The following FAM193A variants were observed in gnomAD, a reference collection of about 807,000 sequenced individuals.
FAM193A encodes the protein protein FAM193A.
FAM193A carries 22 observed loss-of-function variants against 126.5 expected under a neutral mutation model. The ratio of observed to expected loss-of-function variants is 0.17; its 90% confidence interval spans 0.12 to 0.25. FAM193A has a LOEUF of 0.25. Among genes scored for constraint, FAM193A ranks in the 10% least tolerant of loss-of-function variants. The pLI, the probability that FAM193A is intolerant of heterozygous loss-of-function variation, is 1.00. For missense variants in FAM193A, 1,675 were observed against 1,672.8 expected, an observed-to-expected ratio of 1.00 and a Z score of -0.02; for synonymous variants, 761 against 646.8, an observed-to-expected ratio of 1.18 and a Z score of -2.68.
chr4:2,661,176 CCA>C (rs1484108362), intron 10 of FAM193A, among the ~76,000 whole-genome samples: 2 of 152,144 alleles, frequency 1.3e-5, no homozygotes, highest in African/African-American at 4.8e-5. Context: ...CTGCCCATCA[CCA>C]GTTACGGGGA....
intron 7 of FAM193A, among the ~76,000 whole-genome samples, chr4:2,650,728 C>T (rs1745577359): frequency 6.6e-6 from 1 of 152,166 alleles, no homozygotes; most frequent in African/African-American, 2.4e-5. Flanking sequence ...AGTTGTATTG[C>T]ATTAGGTCAT....
chr4:2,638,137 T>A (rs1744268705), intron 5 of FAM193A, among the ~76,000 whole-genome samples: 1 of 152,214 alleles, frequency 6.6e-6, no homozygotes, highest in Non-Finnish European at 1.5e-5. Flanking sequence ...GGCCCCTCCC[T>A]CAGCTAGTTG....
intron 13 of FAM193A, among the ~76,000 whole-genome samples, chr4:2,678,302 A>G (rs575242284): frequency 7.4e-4 from 108 of 145,532 alleles, no homozygotes; most frequent in African/African-American, 2.7e-3. Flanking sequence ...AGTTTTTATG[A>G]TACAACTCTT....
chr4:2,724,863 G>GT (rs932833280), intron 20 of FAM193A, among the ~76,000 whole-genome samples: 4 of 152,154 alleles, frequency 2.6e-5, no homozygotes, highest in East Asian at 1.9e-4. Flanking sequence ...AACTGAGAAG[G>GT]TTTTTTTATT....
At chr4:2,672,512 C>A in intron 13 of FAM193A, 140 bp downstream of exon 13, 1 of 863,270 alleles carries the variant, frequency 1.2e-6, no homozygotes, top group Non-Finnish European at 1.8e-6. Flanking sequence ...CCAAGTGTTT[C>A]CTTTCACCAT....
At chr4:2,538,436 G>A (rs180766560) in intron 1 of FAM193A, among the ~76,000 whole-genome samples, 2 of 152,136 alleles carry the variant, frequency 1.3e-5, no homozygotes, top group Non-Finnish European at 2.9e-5. Flanking sequence ...CAGGTGATCC[G>A]CCCACCTTGG....
intron 1 of FAM193A, among the ~76,000 whole-genome samples, chr4:2,553,562 G>T (rs1738076788): frequency 6.6e-6 from 1 of 152,004 alleles, no homozygotes; most frequent in African/African-American, 2.4e-5. Flanking sequence ...TGTATTTTTA[G>T]TAGAGATGGG....
intron 20 of FAM193A, among the ~76,000 whole-genome samples, chr4:2,719,085 T>C (rs1719839934): frequency 6.6e-6 from 1 of 152,312 alleles, no homozygotes; most frequent in East Asian, 1.9e-4. Context: ...TACTTTGTTT[T>C]ATGAGACAAG....
chr4:2,728,081 G>A (rs201829017), intron 20 of FAM193A, among the ~76,000 whole-genome samples: 1 of 151,836 alleles, frequency 6.6e-6, no homozygotes, highest in East Asian at 1.9e-4. Context: ...ACAGGCATGC[G>A]TCACCACGCC....
At chr4:2,547,604 C>CTGTGTGTGTGTGTGTGTCTGTGTG (rs1553884201) in intron 1 of FAM193A, among the ~76,000 whole-genome samples, 1 of 144,870 alleles carries the variant, frequency 6.9e-6, no homozygotes, top group African/African-American at 2.6e-5. Context: ...GTGTGTGTGT[C>CTGTGTGTGTGTGTGTGTCTGTGTG]TGTGTGTGTG....
intron 1 of FAM193A, among the ~76,000 whole-genome samples, chr4:2,566,888 A>C (rs951513456): frequency 1.3e-5 from 2 of 152,184 alleles, no homozygotes; most frequent in African/African-American, 4.8e-5. Flanking sequence ...TTACTATGTA[A>C]GAACAAGGAA....
At chr4:2,598,563 T>C (rs1179196929) in intron 2 of FAM193A, among the ~76,000 whole-genome samples, 4 of 152,192 alleles carry the variant, frequency 2.6e-5, no homozygotes, top group African/African-American at 9.7e-5. Context: ...ATAAAATGAG[T>C]TAGAATGTGT....
intron 1 of FAM193A, among the ~76,000 whole-genome samples, chr4:2,578,043 T>C (rs973257418): frequency 1.3e-5 from 2 of 152,166 alleles, no homozygotes; most frequent in African/African-American, 2.4e-5. Flanking sequence ...ATACTAAATA[T>C]TCTTAGGACT....
intron 2 of FAM193A, among the ~76,000 whole-genome samples, chr4:2,624,829 G>T (rs1431193046): frequency 6.6e-6 from 1 of 152,106 alleles, no homozygotes; most frequent in East Asian, 1.9e-4. Context: ...GGCGTGAACC[G>T]CCATGCCCAG....
intron 1 of FAM193A, 127 bp from the exon 2 acceptor site, chr4:2,595,957 T>C (rs1310618402): frequency 1.7e-6 from 1 of 589,086 alleles, no homozygotes; most frequent in African/African-American, 1.9e-5. Flanking sequence ...ATTCAATACA[T>C]TTCCTATTTT....
At chr4:2,718,756 T>C (rs1359940274) in intron 20 of FAM193A, among the ~76,000 whole-genome samples, 4 of 151,754 alleles carry the variant, frequency 2.6e-5, no homozygotes, top group Non-Finnish European at 4.4e-5. Flanking sequence ...TGTGTAAATA[T>C]ATAAGTGAAA....
chr4:2,689,627 T>G lies in FAM193A; in HGVS notation c.2453T>G (p.Phe818Cys). 1.3e-6 allele frequency: 2 copies of G among 1,574,536 alleles called. No individual in the cohort carries two copies. The highest frequency in any genetic ancestry group is 2.8e-5 in the African/African-American group (2 of 72,492). Residue 818 changes from phenylalanine to cysteine, a missense_variant, in exon 14 of 21, where the codon TTT becomes TGT. Around this residue, in one of 4 missense-constraint regions of FAM193A, gnomAD observed 1,186 missense variants for 1,109.2 expected, o/e 1.07. Coordinates refer to ENST00000637812, the MANE Select transcript of FAM193A (RefSeq NM_001366318.2). ...ACTCCAGAGTGGAATAGTTCTAAAT[T>G]TATAAGTCTTTGGGGATCAGAAGTG... ...GNTPEWNSSK[F>C]ISLWGSEVMN...
intron 1 of FAM193A, among the ~76,000 whole-genome samples, chr4:2,591,020 C>G (rs1167319494): frequency 6.7e-6 from 1 of 150,108 alleles, no homozygotes; most frequent in East Asian, 1.9e-4. Context: ...GAGCAAGACT[C>G]CCTCTCAAAA....
intron 1 of FAM193A, among the ~76,000 whole-genome samples, chr4:2,560,895 C>T (rs1267546000): frequency 6.6e-6 from 1 of 152,126 alleles, no homozygotes; most frequent in Non-Finnish European, 1.5e-5. Context: ...TGATTCACCT[C>T]ACCTGCCTCA....
Sources: allele counts gnomAD v4.1 joint callset (sites outside exome capture counted in the v4.1 genomes callset), GRCh38; gene constraint gnomAD v4.1.1; regional missense constraint gnomAD v4.1.1; transcripts MANE v1.5; gene names NCBI Gene and HGNC (gene_info 2026-07-23, HGNC 2026-07-21).